The following ZNF718 variants were observed in gnomAD, a reference collection of about 807,000 sequenced individuals.
ZNF718 encodes the protein zinc finger protein 718.
Under a neutral mutation model 2.6 loss-of-function variants are expected in ZNF718, and 3 were observed. The ratio of observed to expected loss-of-function variants is 1.16; its 90% CI spans 0.53 to 3.01. The LOEUF (loss-of-function observed/expected upper bound fraction) is 3.01. Ranked by LOEUF, ZNF718 falls within the 30% of genes most tolerant of loss-of-function variation. The probability of loss-of-function intolerance (pLI) is 0.03; values close to 1 mark genes in which losing one functional copy is unlikely to be tolerated. For missense variants in ZNF718, 468 were observed against 230.0 expected (o/e 2.03, Z -6.69); for synonymous variants, 135 against 77.9 (o/e 1.73, Z -3.86).
At chr4:173,339 A>G (rs1364200208) in intron 3 of ZNF718, among the ~76,000 whole-genome samples, 4 of 152,172 alleles carry the variant, frequency 2.6e-5, no homozygotes, top group South Asian at 4.1e-4. Flanking sequence ...TTATTGAGCT[A>G]TTTCACTCGT....
intron 3 of ZNF718, among the ~76,000 whole-genome samples, chr4:138,619 A>T (rs1715678263): frequency 6.6e-6 from 1 of 151,932 alleles, no homozygotes; most frequent in Non-Finnish European, 1.5e-5. Flanking sequence ...TGATGTCCTG[A>T]TTTCCTTTCT....
At chr4:171,644 AGGCATGGGATATAATCTCCT>A (rs1717235271) in intron 3 of ZNF718, among the ~76,000 whole-genome samples, 1 of 152,192 alleles carries the variant, frequency 6.6e-6, no homozygotes, top group African/African-American at 2.4e-5. Context: ...CCTCTGAGCC[AGGCATGGGATATAATCTCCT>A]GGTGTGCGAT....
At chr4:181,148 C>T (rs987233159) in intron 3 of ZNF718, among the ~76,000 whole-genome samples, 23 of 144,148 alleles carry the variant, frequency 1.6e-4, no homozygotes, top group Non-Finnish European at 2.3e-4. Context: ...GCCTGTGCCC[C>T]AGTGCCCAGC....
chr4:178,263 C>G (rs940187317), intron 3 of ZNF718, among the ~76,000 whole-genome samples: 1 of 151,870 alleles, frequency 6.6e-6, no homozygotes, highest in Non-Finnish European at 1.5e-5. Flanking sequence ...CTCAGCCAGC[C>G]AAGTAGCTGG....
intron 3 of ZNF718, among the ~76,000 whole-genome samples, chr4:192,206 C>T (rs575328685): frequency 9.9e-5 from 15 of 152,230 alleles, no homozygotes; most frequent in African/African-American, 3.4e-4. Context: ...CAAACGCAGA[C>T]CAGAAGAGTG....
chr4:167,185 G>C (rs1208415321), downstream of ZNF718, among the ~76,000 whole-genome samples: 1 of 151,928 alleles, frequency 6.6e-6, no homozygotes, highest in Non-Finnish European at 1.5e-5. Context: ...ATTTTTGAGG[G>C]CTCTGTTCTG....
chr4:174,904 C>A (rs1717317499), intron 3 of ZNF718, among the ~76,000 whole-genome samples: 1 of 152,178 alleles, frequency 6.6e-6, no homozygotes, highest in Non-Finnish European at 1.5e-5. Context: ...AAGGCCATAA[C>A]CTTCTGGGAA....
In ZNF718 at chr4:124,640, T is replaced by C. The variant is rs1581415335; in HGVS notation, c.-31T>C. ...CTGCCGGTATTGGATGATTCGTATC[T>C]AAGACTCTGGGACACTCCTGAAGTC... is the stretch of plus-strand genomic sequence containing the variant. On this transcript the variant is annotated 5_prime_UTR_variant, in exon 1 of 4. It removes the in-frame stop codon of an upstream open reading frame in the 5' UTR. Transcript: ENST00000510175. The C allele has an allele frequency of 6.2e-7, 1 of 1,606,824 alleles. No individual in the cohort carries two copies. The highest frequency in any genetic ancestry group is 8.5e-7 in the Non-Finnish European group (1 of 1,179,496).
At chr4:191,113 A>G (rs1717684706) in intron 3 of ZNF718, among the ~76,000 whole-genome samples, 1 of 151,452 alleles carries the variant, frequency 6.6e-6, no homozygotes, top group Non-Finnish European at 1.5e-5. Context: ...GGTATCTTCT[A>G]AGTTTCTAAA....
intron 3 of ZNF718, among the ~76,000 whole-genome samples, chr4:141,780 A>G (rs1305165298): frequency 6.6e-6 from 1 of 152,202 alleles, no homozygotes; most frequent in Non-Finnish European, 1.5e-5. Flanking sequence ...AAAGCTACTG[A>G]CCTACTAACA....
At chr4:157,405 G>A (rs906145734) in intron 3 of ZNF718, among the ~76,000 whole-genome samples, 2 of 151,948 alleles carry the variant, frequency 1.3e-5, no homozygotes, top group Non-Finnish European at 2.9e-5. Flanking sequence ...GTGAGCCACC[G>A]CACCCGGCCT....
At chr4:168,404 T>C (rs1717142296), downstream of ZNF718, among the ~76,000 whole-genome samples, 1 of 152,210 alleles carries the variant, frequency 6.6e-6, no homozygotes, top group Non-Finnish European at 1.5e-5. Context: ...TTCTATTGAT[T>C]GGAATAGTTT....
At position 162,126 on chromosome 4, in the gene ZNF718, T is replaced by G. The variant is rs782215630; in HGVS notation, c.*4T>G. ...TCATACTGGAGGAAAATTTTAGAAA[T>G]GTGAAGAATGTGGGAGCCTTTAAGT... On this transcript the variant is annotated 3_prime_UTR_variant, in exon 4 of 4. Coordinates refer to ENST00000510175, the MANE Select transcript of ZNF718 (RefSeq NM_001039127.6). 1.4e-6 allele frequency: 1 copy of G among 719,242 alleles called. No homozygotes were observed. The highest frequency in any genetic ancestry group is 1.6e-5 in the South Asian group (1 of 63,784). 44.6% of individuals were successfully genotyped at this position (719,242 alleles called of 1,614,324 possible).
chr4:197,922 T>C (rs1467974201), intron 3 of ZNF718, among the ~76,000 whole-genome samples: 2 of 151,984 alleles, frequency 1.3e-5, no homozygotes, highest in African/African-American at 4.8e-5. Flanking sequence ...GAAACATGGA[T>C]GGATGGATGA....
chr4:198,339 C>T (rs571419661), intron 3 of ZNF718, among the ~76,000 whole-genome samples: 3 of 152,232 alleles, frequency 2.0e-5, no homozygotes, highest in East Asian at 1.9e-4. Context: ...GGCATGAAGC[C>T]CTGTGATTGC....
At chr4:142,654 A>G (rs782686428) in intron 3 of ZNF718, among the ~76,000 whole-genome samples, 5 of 152,234 alleles carry the variant, frequency 3.3e-5, no homozygotes, top group Non-Finnish European at 7.3e-5. Context: ...TAAAGGCTAC[A>G]GTTACACAAT....
At chr4:173,910 C>A (rs1553818609) in intron 3 of ZNF718, among the ~76,000 whole-genome samples, 1 of 152,152 alleles carries the variant, frequency 6.6e-6, no homozygotes, top group African/African-American at 2.4e-5. Flanking sequence ...CCGTGAATAG[C>A]CATTGATGCT....
intron 3 of ZNF718, among the ~76,000 whole-genome samples, chr4:151,634 T>C (rs1716327372): frequency 6.6e-6 from 1 of 151,944 alleles, no homozygotes; most frequent in African/African-American, 2.4e-5. Context: ...GTGCCCACCA[T>C]CATGCCGTAC....
At chr4:182,634 A>G (rs1717491337) in intron 3 of ZNF718, among the ~76,000 whole-genome samples, 1 of 152,026 alleles carries the variant, frequency 6.6e-6, no homozygotes, top group African/African-American at 2.4e-5. Flanking sequence ...GGGTTTCACC[A>G]TGTGGCCAGG....
Sources: allele counts gnomAD v4.1 joint callset (sites outside exome capture counted in the v4.1 genomes callset), GRCh38; gene constraint gnomAD v4.1.1; transcripts MANE v1.5; gene names NCBI Gene and HGNC (gene_info 2026-07-23, HGNC 2026-07-21).